FREM3: variants seen among roughly 807,000 people sequenced by gnomAD.
FREM3 encodes FRAS1 related extracellular matrix 3.
A neutral mutation model predicts 129.1 loss-of-function variants in FREM3; 105 were observed. The ratio of observed to expected loss-of-function variants is 0.81; its 90% CI spans 0.69 to 0.96. The LOEUF is 0.96. Among genes scored for constraint, FREM3 ranks in the 40% least tolerant of loss-of-function variants. FREM3 has a pLI of 0.00. For synonymous variants in FREM3, 1,014 were observed against 1,044.9 expected (o/e 0.97, Z 0.57); for missense variants, 2,593 against 2,666.3 (o/e 0.97, Z 0.61).
At chr4:143,599,935 A>G (rs74483085) in intron 6 of FREM3, among the ~76,000 whole-genome samples, 4 of 152,308 alleles carry the variant, frequency 2.6e-5, no homozygotes, top group South Asian at 4.1e-4. Flanking sequence ...GCCCTGGACT[A>G]TGGGCTCAGA....
Position 143,696,274 on chromosome 4 carries a change from G to C in FREM3, c.4402C>G (p.Pro1468Ala). 1 of 1,537,696 alleles carries C rather than the reference G, an allele frequency of 6.5e-7. No individual in the cohort carries two copies. Among genetic ancestry groups the C allele is most frequent in the Non-Finnish European group, 8.7e-7 (1 of 1,147,020 alleles). The stretch of plus-strand genomic sequence containing the variant: ...GAACTTTCTAAGTGACCCAGGCTTG[G>C]AGCCCGTGTAATGCTAAAGTGATGT... Reference protein sequence around the residue: ...DEHHFSITRAPSLGHLESSDY... With the variant: ...DEHHFSITRAASLGHLESSDY... The change falls in exon 1 of 8, where the codon CCA becomes GCA. Residue 1468 changes from proline (P) to alanine (A), a missense_variant. Around this residue, in one of 2 missense-constraint regions of FREM3, gnomAD observed 2,276 missense variants for 2,267.2 expected, o/e 1.00. Coordinates refer to ENST00000329798, the MANE Select transcript of FREM3 (RefSeq NM_001168235.2).
Position 143,700,540 on chromosome 4 carries a change from G to A in FREM3, c.136C>T (p.Leu46=). Residue 46 remains leucine (L), a synonymous_variant, in exon 1 of 8, where the codon CTG becomes TTG. Coordinates refer to ENST00000329798, the MANE Select transcript of FREM3 (RefSeq NM_001168235.2). ...LGTEPDPALY[L]PARGALDGTR... ...CCGTCAAGCGCACCCCGGGCGGGCA[G>A]GTAAAGCGCCGGGTCGGGCTCGGTC... 1 of 1,519,770 alleles carries A rather than the reference G, an allele frequency of 6.6e-7. No individual in the cohort carries two copies. The highest frequency in any genetic ancestry group is 8.8e-7 in the Non-Finnish European group (1 of 1,137,140). 94.1% of individuals were successfully genotyped at this position (1,519,770 alleles called of 1,614,324 possible). A position where few individuals can be genotyped will look rare whatever the true frequency, so the allele number is the denominator to read the frequency against.
chr4:143,626,064 A>G (rs1739032579), intron 3 of FREM3, among the ~76,000 whole-genome samples: 1 of 152,132 alleles, frequency 6.6e-6, no homozygotes, highest in Non-Finnish European at 1.5e-5. Context: ...TGGTTCGACT[A>G]TTAGCCTGGG....
rs1191383447 is a variant in FREM3, at chr4:143,577,869, A to C, written c.6179-17T>G. On this transcript the variant is annotated splice_polypyrimidine_tract_variant and intron_variant, in intron 7 of 7. Transcript: ENST00000329798. Reference sequence around the variant, plus strand: ...CTGTTCCAGCTAGTGAAAAAGGAAAAGGCACTGGTGAGACAGTAGGATTTG... The same window carrying C: ...CTGTTCCAGCTAGTGAAAAAGGAAACGGCACTGGTGAGACAGTAGGATTTG... 3 of 1,532,576 alleles carry C rather than the reference A, an allele frequency of 2.0e-6. No homozygotes were observed. The highest frequency in any genetic ancestry group is 2.6e-6 in the Non-Finnish European group (3 of 1,144,988). The allele number at this position is 1,532,576 out of a possible 1,614,324, so 94.9% of individuals were successfully genotyped here.
chr4:143,658,022 C>G (rs1435811069), intron 2 of FREM3, among the ~76,000 whole-genome samples: 1 of 152,176 alleles, frequency 6.6e-6, no homozygotes, highest in Non-Finnish European at 1.5e-5. Context: ...TTGCCACCAC[C>G]TAAGTTTCTA....
chr4:143,631,098 G>A (rs904577524), intron 2 of FREM3, among the ~76,000 whole-genome samples: 2 of 152,054 alleles, frequency 1.3e-5, no homozygotes, highest in Non-Finnish European at 2.9e-5. Flanking sequence ...GAGATAAATG[G>A]CTCCCTGGTG....
At chr4:143,659,023 G>C (rs1331076139) in intron 2 of FREM3, among the ~76,000 whole-genome samples, 3 of 114,884 alleles carry the variant, frequency 2.6e-5, no homozygotes, top group Non-Finnish European at 5.9e-5. Flanking sequence ...TCAGATTATA[G>C]GTTATTTTCT....
At chr4:143,691,359 CA>C (rs946666868) in intron 2 of FREM3, among the ~76,000 whole-genome samples, 4 of 151,942 alleles carry the variant, frequency 2.6e-5, no homozygotes, top group Non-Finnish European at 5.9e-5. Flanking sequence ...AAATCACCAC[CA>C]AAGAACTTAC....
In FREM3 at chr4:143,611,530, A is replaced by G; in HGVS notation, c.5780-3T>C. On this transcript the variant is annotated splice_region_variant and splice_polypyrimidine_tract_variant and intron_variant, in intron 5 of 7. Transcript: ENST00000329798. The stretch of plus-strand genomic sequence containing the variant: ...AGAAATCGTGCCTGTGGCAGAACCT[A>G]CAGAAATATGAGAAGGAACAGGGAG... 6 of 1,536,530 alleles carry G rather than the reference A, an allele frequency of 3.9e-6. No individual in the cohort carries two copies. Among genetic ancestry groups the G allele is most frequent in the Non-Finnish European group, 5.2e-6 (6 of 1,146,424 alleles).
intron 5 of FREM3, among the ~76,000 whole-genome samples, chr4:143,615,482 GT>G (rs1738826951): frequency 6.6e-6 from 1 of 152,156 alleles, no homozygotes; most frequent in Non-Finnish European, 1.5e-5. Flanking sequence ...TGATTGAAGG[GT>G]GGTGGGAGAA....
At chr4:143,622,068 G>A (rs539086566) in intron 4 of FREM3, among the ~76,000 whole-genome samples, 7 of 151,596 alleles carry the variant, frequency 4.6e-5, no homozygotes, top group African/African-American at 1.7e-4. Flanking sequence ...CAAGCAAAAA[G>A]GGAAAAGATT....
chr4:143,662,359 CA>C (rs1192070723), intron 2 of FREM3, among the ~76,000 whole-genome samples: 2 of 152,186 alleles, frequency 1.3e-5, no homozygotes, highest in Non-Finnish European at 2.9e-5. Flanking sequence ...AGTAGTCATT[CA>C]GGAGCAGGTT....
At chr4:143,673,867 C>T (rs374661524) in intron 2 of FREM3, among the ~76,000 whole-genome samples, 17 of 152,242 alleles carry the variant, frequency 1.1e-4, no homozygotes, top group South Asian at 8.3e-4. Flanking sequence ...GAGCGAGGCT[C>T]CATGGGTGTG....
chr4:143,581,222 T>G (rs1738136591), intron 7 of FREM3, among the ~76,000 whole-genome samples: 1 of 152,212 alleles, frequency 6.6e-6, no homozygotes, highest in African/African-American at 2.4e-5. Flanking sequence ...CACAGCCATC[T>G]TGTCCCCATC....
chr4:143,599,702 T>G (rs1738539561), intron 6 of FREM3, among the ~76,000 whole-genome samples: 1 of 151,998 alleles, frequency 6.6e-6, no homozygotes. Flanking sequence ...AACACTAGGC[T>G]AGAACAAAAG....
At chr4:143,656,826 A>G (rs1298808067) in intron 2 of FREM3, among the ~76,000 whole-genome samples, 1 of 152,232 alleles carries the variant, frequency 6.6e-6, no homozygotes, top group African/African-American at 2.4e-5. Flanking sequence ...GTTTTCTTCA[A>G]TAAAACTGTT....
At chr4:143,582,898 C>CTTT (rs35360267) in intron 7 of FREM3, among the ~76,000 whole-genome samples, 3 of 147,782 alleles carry the variant, frequency 2.0e-5, no homozygotes, top group Admixed American at 6.7e-5. Context: ...AATTAATTTA[C>CTTT]TTTTTTTTTT....
At chr4:143,642,482 C>T (rs1481255238) in intron 2 of FREM3, among the ~76,000 whole-genome samples, 1 of 152,122 alleles carries the variant, frequency 6.6e-6, no homozygotes, top group Non-Finnish European at 1.5e-5. Context: ...GAAATAAATT[C>T]GTGCACCTGC....
In FREM3 at chr4:143,699,746, C is replaced by T. The variant is rs775901058; in HGVS notation, c.930G>A (p.Met310Ile). ...GATCCACCTCCATCATCATCGTGGC[C>T]ATGAAGCTGGGCCTGGGCGGTGTGT... Reference protein sequence around the residue: ...AENTPPRPSFMATMMMEVDPL... With the variant: ...AENTPPRPSFIATMMMEVDPL... Residue 310 changes from methionine (M) to isoleucine (I), a missense_variant, in exon 1 of 8, where the codon ATG becomes ATA. This residue lies in a region of FREM3 where 2,276 missense variants were observed against 2,267.2 expected (regional missense o/e 1.00). Transcript: ENST00000329798. This position sits in a 1 kb window ranked among gnomAD's most constrained non-coding sequence, Gnocchi z 4.2. 1 of 1,519,776 alleles carries T rather than the reference C, an allele frequency of 6.6e-7. No individual in the cohort carries two copies. The highest frequency in any genetic ancestry group is 1.4e-5 in the African/African-American group (1 of 72,884). The allele number at this position is 1,519,776 out of a possible 1,614,324, so 94.1% of individuals were successfully genotyped here.
Sources: gnomAD v4.1 joint callset for allele counts (sites outside exome capture counted in the v4.1 genomes callset) on GRCh38, gnomAD v4.1.1 for gene constraint, gnomAD v4.1.1 regional missense constraint, Gnocchi (gnomAD v3.1) non-coding constraint, MANE v1.5 for transcripts, NCBI Gene and HGNC (gene_info 2026-07-23, HGNC 2026-07-21) for gene names.